ABCG5: variants seen among roughly 807,000 people sequenced by gnomAD.
The protein encoded by ABCG5 is ATP binding cassette subfamily G member 5.
ABCG5 carries 64 observed loss-of-function variants against 64.5 expected under a neutral mutation model. The observed-to-expected ratio is 0.99, with a 90% confidence interval of 0.81 to 1.22. ABCG5 has a LOEUF of 1.22. Among genes scored for constraint, ABCG5 ranks in the 50% most tolerant of loss-of-function variants. ABCG5 has a pLI of 0.00. For synonymous variants in ABCG5, 385 were observed against 326.3 expected (o/e 1.18, Z -1.94); for missense variants, 908 against 829.5 (o/e 1.09, Z -1.16).
chr2:43,806,327 T>G, the ABCG5 span, among the ~76,000 whole-genome samples: 5 of 152,206 alleles, frequency 3.3e-5, no homozygotes, highest in South Asian at 1.0e-3. Flanking sequence ...CAGGTGGCAG[T>G]CACGTTGTTG....
chr2:43,820,197 G>A (rs553068373), intron 10 of ABCG5, 97 bp from the exon 11 acceptor site: 4 of 1,441,990 alleles, frequency 2.8e-6, no homozygotes, highest in Non-Finnish European at 3.8e-6. Flanking sequence ...GTGGTGAGTG[G>A]GTGGGAGAAG....
intron 2 of ABCG5, among the ~76,000 whole-genome samples, chr2:43,837,057 G>A (rs1036864596): frequency 6.7e-6 from 1 of 148,456 alleles, no homozygotes; most frequent in African/African-American, 2.5e-5. Flanking sequence ...AAAGAAAAAC[G>A]ACCAGATAAG....
Position 43,838,507 on chromosome 2 carries a change from G to A in ABCG5, c.143+30C>T, listed in dbSNP as rs72542425. ...GAGCGCCGGGCCCCGCACTCCTGGGGGAGCAGCAGCAGCAAGGGCTCTGCC... is the reference window on the plus strand; with the variant it reads ...GAGCGCCGGGCCCCGCACTCCTGGGAGAGCAGCAGCAGCAAGGGCTCTGCC... On this transcript the variant is annotated intron_variant, in intron 1 of 12. Coordinates refer to ENST00000405322, the MANE Select transcript of ABCG5 (RefSeq NM_022436.3). The surrounding 1 kb of genome is among the most constrained non-coding windows in gnomAD (Gnocchi z 4.2). 2 of 1,578,876 alleles carry A rather than the reference G, an allele frequency of 1.3e-6. No homozygotes were observed. The highest frequency in any genetic ancestry group is 2.7e-5 in the African/African-American group (2 of 74,266).
downstream of ABCG5, among the ~76,000 whole-genome samples, chr2:43,808,264 GA>G (rs55874533): frequency 3.5e-3 from 506 of 146,076 alleles, 4 homozygotes; most frequent in African/African-American, 0.011. Context: ...GAAGTTAAAG[GA>G]AAAAAAAAAA....
At position 43,814,483 on chromosome 2, in the gene ABCG5, T is replaced by C; in HGVS notation, c.1756A>G (p.Thr586Ala). The C allele has an allele frequency of 6.3e-7, 1 of 1,596,022 alleles. No individual in the cohort carries two copies. The highest frequency in any genetic ancestry group is 8.6e-7 in the Non-Finnish European group (1 of 1,163,834). The stretch of plus-strand genomic sequence containing the variant: ...CCCCAAATAGAATACTTACCACAAG[T>C]GAAATTCAGTCCGTAGAACTCATTG... Reference protein sequence around the residue: ...VVNEFYGLNFTCGSSNVSVTT... With the variant: ...VVNEFYGLNFACGSSNVSVTT... Residue 586 changes from threonine to alanine, a missense_variant, in exon 12 of 13, where the codon ACT becomes GCT. Thr to Ala is a moderately conservative substitution (Grantham distance 58, BLOSUM62 0). Coordinates refer to ENST00000405322, the MANE Select transcript of ABCG5 (RefSeq NM_022436.3).
At position 43,823,907 on chromosome 2, in the gene ABCG5, A is replaced by C. The variant is rs775019608; in HGVS notation, c.1324+6T>G. On this transcript the variant is annotated splice_donor_region_variant and intron_variant, in intron 9 of 12. Coordinates refer to ENST00000405322, the MANE Select transcript of ABCG5 (RefSeq NM_022436.3). ...AGAGGTGCACCTCCAGCACGTGGGC[A>C]CTTACACAGATTCACAGCGTTCAGC... 6.2e-7 allele frequency: 1 copy of C among 1,613,806 alleles called. No individual in the cohort carries two copies. Among genetic ancestry groups the C allele is most frequent in the Non-Finnish European group, 8.5e-7 (1 of 1,179,764 alleles).
At chr2:43,813,967 C>G (rs1666654816) in intron 12 of ABCG5, among the ~76,000 whole-genome samples, 1 of 152,150 alleles carries the variant, frequency 6.6e-6, no homozygotes, top group East Asian at 1.9e-4. Flanking sequence ...GATCCAACCT[C>G]CGACTCCCAA....
chr2:43,813,986 G>A (rs1666656844), intron 12 of ABCG5, among the ~76,000 whole-genome samples: 1 of 152,070 alleles, frequency 6.6e-6, no homozygotes, highest in Non-Finnish European at 1.5e-5. Context: ...AAAGTGCTGG[G>A]ATTACAGGCG....
At position 43,824,905 on chromosome 2, in the gene ABCG5, GT is replaced by G; in HGVS notation, c.887del (p.Asn296ThrfsTer9). 6.2e-7 allele frequency: 1 copy of G among 1,614,016 alleles called. No homozygotes were observed. On this transcript the variant is annotated frameshift_variant, in exon 7 of 13. Transcript: ENST00000405322. LOFTEE classifies it high-confidence loss of function. ...DCGYPCPEHS[N>X]PFDFYMDLTS... ...AAAACTTACTATAGAAGTCAAAAGG[GT>G]TTGAATGTTCAGGACAAGGGTAACC...
Position 43,826,166 on chromosome 2 carries a change from C to CT in ABCG5, c.774+215dup, listed in dbSNP as rs113184872. ...AATTTTTCTTTTTCTTTCTTTCTTT[C>CT]TTTTTTTTTTTTTTAGAGATGGGGA... On this transcript the variant is annotated intron_variant, in intron 6 of 12. Transcript: ENST00000405322. Among the ~76,000 whole-genome samples the CT allele has an allele frequency of 0.038, 5,345 of 141,930 alleles. 110 individuals are homozygous for CT. The highest frequency in any genetic ancestry group is 0.044 in the Non-Finnish European group (2,843 of 64,658). 93.1% of individuals were successfully genotyped at this position (141,930 alleles called of 152,430 possible). A position where few individuals can be genotyped will look rare whatever the true frequency, so the allele number is the denominator to read the frequency against.
At chr2:43,807,995 C>T (rs552281127), downstream of ABCG5, among the ~76,000 whole-genome samples, 5 of 152,156 alleles carry the variant, frequency 3.3e-5, no homozygotes, top group South Asian at 6.2e-4. Flanking sequence ...TCACAGTCTG[C>T]TGTCTGCAAA....
At chr2:43,827,942 TGCCCAGACA>T in intron 5 of ABCG5, 32 bp downstream of exon 5, 37 of 1,612,332 alleles carry the variant, frequency 2.3e-5, no homozygotes, top group Non-Finnish European at 3.1e-5. Context: ...ACACAGAAGA[TGCCCAGACA>T]GCAGCTAGTA....
chr2:43,825,836 C>A (rs1667563990), intron 6 of ABCG5, among the ~76,000 whole-genome samples: 1 of 152,206 alleles, frequency 6.6e-6, no homozygotes, highest in African/African-American at 2.4e-5. Flanking sequence ...CTGAAACACA[C>A]CTCATAGGAG....
At chr2:43,832,470 CG>C (rs1255830616) in intron 2 of ABCG5, 1 of 295,564 alleles carries the variant, frequency 3.4e-6, no homozygotes, top group Non-Finnish European at 6.5e-6. Flanking sequence ...GATCCTAGGA[CG>C]GATTTCTTTT....
intron 2 of ABCG5, 25 bp from the exon 3 acceptor site, chr2:43,832,108 T>A: frequency 6.4e-7 from 1 of 1,568,050 alleles, no homozygotes; most frequent in East Asian, 2.3e-5. Flanking sequence ...CAGAAGGCCC[T>A]AGAGGAACCA....
Position 43,822,906 on chromosome 2 carries a change from C to T in ABCG5, c.1354G>A (p.Glu452Lys). The change falls in exon 10 of 13, where the codon GAG (glutamate) becomes AAG (lysine). Residue 452 changes from glutamate to lysine, a missense_variant. By Grantham distance (56) the Glu-to-Lys change is moderately conservative. Transcript: ENST00000405322. ...FPVLRAVSDQESQDGLYQKWQ... is the reference protein window; with the variant it reads ...FPVLRAVSDQKSQDGLYQKWQ... ...TTCTGGTAGAGGCCGTCCTGACTCT[C>T]CTGGTCGCTGACAGCTCGCAGCACG... 5 of 1,614,130 alleles carry T rather than the reference C, an allele frequency of 3.1e-6. No homozygotes were observed. The highest frequency in any genetic ancestry group is 3.4e-6 in the Non-Finnish European group (4 of 1,180,016).
intron 2 of ABCG5, 127 bp downstream of exon 2, chr2:43,837,707 G>T: frequency 1.6e-6 from 2 of 1,289,672 alleles, no homozygotes; most frequent in Non-Finnish European, 2.2e-6. Flanking sequence ...TCCATTCACA[G>T]TCAGATATCA....
At chr2:43,810,266 C>A, downstream of ABCG5, 1 of 735,934 alleles carries the variant, frequency 1.4e-6, no homozygotes, top group Non-Finnish European at 1.7e-6. Context: ...TCCCAGGTCC[C>A]CACACCTAGA....
At chr2:43,832,282 AAGTG>A (rs1454689809) in intron 2 of ABCG5, 199 bp from the exon 3 acceptor site, 6 of 680,202 alleles carry the variant, frequency 8.8e-6, no homozygotes, top group African/African-American at 1.8e-5. Flanking sequence ...TCTCACGCGC[AAGTG>A]AGTCTCTGGA....
Sources: gnomAD v4.1 joint callset for allele counts (sites outside exome capture counted in the v4.1 genomes callset) on GRCh38, gnomAD v4.1.1 for gene constraint, Gnocchi (gnomAD v3.1) non-coding constraint, MANE v1.5 for transcripts, NCBI Gene and HGNC (gene_info 2026-07-23, HGNC 2026-07-21) for gene names.